Variants in DPP4 observed in about 807,000 individuals in gnomAD.
DPP4 encodes dipeptidyl peptidase 4.
A neutral mutation model predicts 122.4 loss-of-function variants in DPP4; 93 were observed. The observed-to-expected ratio is 0.76, with a 90% CI of 0.64 to 0.90. The LOEUF is 0.90. Ranked by LOEUF, DPP4 falls within the 40% of genes least tolerant of loss-of-function variation. The probability of loss-of-function intolerance (pLI) is 0.00; values close to 1 mark genes in which losing one functional copy is unlikely to be tolerated. For synonymous variants in DPP4, 321 were observed against 302.9 expected, an observed-to-expected ratio of 1.06 and a Z score of -0.62; for missense variants, 914 against 907.3, an observed-to-expected ratio of 1.01 and a Z score of -0.09.
At chr2:161,997,335 C>A (rs775300647) in intron 23 of DPP4, among the ~76,000 whole-genome samples, 2 of 152,156 alleles carry the variant, frequency 1.3e-5, no homozygotes, top group African/African-American at 4.8e-5. Flanking sequence ...CCCAACATCA[C>A]CATTTATCCC....
rs1701324466 is a variant in DPP4 at position 162,007,990 on chromosome 2, T to C, written c.1987+572A>G. Among the ~76,000 whole-genome samples, 5 of 152,216 alleles carry C rather than the reference T, an allele frequency of 3.3e-5. No individual in the cohort carries two copies. The South Asian group carries it at 8.3e-4, about 25-fold the overall frequency. On this transcript the variant is annotated intron_variant, in intron 22 of 25. Transcript: ENST00000360534. ...CTTCTGAATCCCCCCTCCTCCCTCA[T>C]CTTCCATCGCTTACTCCCTCCCCTT...
At chr2:162,069,008 C>T (rs1685033286) in intron 2 of DPP4, among the ~76,000 whole-genome samples, 1 of 152,156 alleles carries the variant, frequency 6.6e-6, no homozygotes, top group South Asian at 2.1e-4. Flanking sequence ...TGATTGCAAC[C>T]TCATGAGAGA....
rs934495585 is a variant in DPP4, at chr2:162,009,404, G to C, written c.1833-109C>G. ...ATTTGTTCTCTGCTTCATTCTATTA[G>C]AGACTAAAAATTGCTGCCAGTAATC... On this transcript the variant is annotated intron_variant, in intron 20 of 25. Transcript: ENST00000360534. The C allele has an allele frequency of 3.1e-6, 3 of 961,482 alleles. No homozygotes were observed. In the African/African-American group the frequency reaches 5.0e-5, roughly 16 times the overall value. The allele number at this position is 961,482 out of a possible 1,614,324, so 59.6% of individuals were successfully genotyped here.
chr2:162,016,847 G>T lies in DPP4; in HGVS notation c.1488C>A (p.Asp496Glu). Residue 496 changes from aspartate (D) to glutamate (E), a missense_variant, in exon 18 of 26, where the codon GAC (aspartate) becomes GAA (glutamate). Physicochemically the swap from Asp to Glu is conservative, Grantham distance 45. Transcript: ENST00000360534. ...GCAGCATTTTATCCAAAGCTGAATT[G>T]TCTTCCAGGACTCTCAGCCCTAAAG... is the stretch of plus-strand genomic sequence containing the variant. Reference protein sequence around the residue: ...VNDKGLRVLEDNSALDKMLQN... With the variant: ...VNDKGLRVLEENSALDKMLQN... The T allele has an allele frequency of 6.2e-7, 1 of 1,612,156 alleles. No homozygotes were observed. The highest frequency in any genetic ancestry group is 8.5e-7 in the Non-Finnish European group (1 of 1,179,540).
rs2106089769 is a variant in DPP4, at chr2:162,011,780, C to T, written c.1832+13G>A. On this transcript the variant is annotated intron_variant, in intron 20 of 25. Coordinates refer to ENST00000360534, the MANE Select transcript of DPP4 (RefSeq NM_001935.4). Reference sequence around the variant, plus strand: ...AATCAGATGACCTTTGACTTCATCTCCTAGTCACTCACCTGGCTGCTTCAA... The same window carrying T: ...AATCAGATGACCTTTGACTTCATCTTCTAGTCACTCACCTGGCTGCTTCAA... 2 of 1,612,048 alleles carry T rather than the reference C, an allele frequency of 1.2e-6. No homozygotes were observed. Among genetic ancestry groups the T allele is most frequent in the South Asian group, 1.1e-5 (1 of 90,918 alleles).
chr2:161,995,958 G>T (rs1312808433), intron 23 of DPP4, among the ~76,000 whole-genome samples: 1 of 152,030 alleles, frequency 6.6e-6, no homozygotes, highest in Non-Finnish European at 1.5e-5. Flanking sequence ...AGGGGAAGGG[G>T]GTAAAAAAGA....
chr2:162,043,082 G>T (rs958992870), intron 5 of DPP4, among the ~76,000 whole-genome samples: 1 of 152,164 alleles, frequency 6.6e-6, no homozygotes, highest in African/African-American at 2.4e-5. Context: ...AAAGAGCTGT[G>T]CAATTAAAGG....
intron 10 of DPP4, among the ~76,000 whole-genome samples, chr2:162,028,566 A>C (rs1683429721): frequency 6.6e-6 from 1 of 152,226 alleles, no homozygotes. Context: ...CCACCCCTGC[A>C]GTCCAGGCCT....
At chr2:162,048,509 A>G (rs779593098) in intron 2 of DPP4, among the ~76,000 whole-genome samples, 9 of 152,110 alleles carry the variant, frequency 5.9e-5, no homozygotes, top group South Asian at 2.1e-4. Context: ...ACAGCCCTCC[A>G]CGACCGACAC....
chr2:161,997,907 A>G (rs1435760037), intron 23 of DPP4, among the ~76,000 whole-genome samples: 1 of 152,184 alleles, frequency 6.6e-6, no homozygotes, highest in African/African-American at 2.4e-5. Context: ...TACTTCCTAC[A>G]TTGCACTGCG....
rs761333853 is a variant in DPP4, at chr2:162,045,570, C to T, written c.328G>A (p.Asp110Asn). Residue 110 changes from aspartate to asparagine, a missense_variant, in exon 5 of 26, where the codon GAT becomes AAT. Transcript: ENST00000360534. ...HSINDYSISPDGQFILLEYNY... is the reference protein window; with the variant it reads ...HSINDYSISPNGQFILLEYNY... ...TATTCTAAGAGAATAAACTGCCCAT[C>T]AGGAGATATTGAATAATCATTGATA... The T allele has an allele frequency of 6.2e-7, 1 of 1,612,946 alleles. No homozygotes were observed. The highest frequency in any genetic ancestry group is 8.5e-7 in the Non-Finnish European group (1 of 1,179,130).
At chr2:162,039,931 A>G (rs1342310731) in intron 5 of DPP4, among the ~76,000 whole-genome samples, 1 of 152,114 alleles carries the variant, frequency 6.6e-6, no homozygotes, top group African/African-American at 2.4e-5. Flanking sequence ...ACTTAGGAGT[A>G]AAACAGCACA....
At chr2:162,028,938 C>T (rs1683445384) in intron 10 of DPP4, among the ~76,000 whole-genome samples, 2 of 152,214 alleles carry the variant, frequency 1.3e-5, no homozygotes, top group Admixed American at 1.3e-4. Context: ...AGTTCATACT[C>T]GCTCCCTCTA....
At chr2:162,001,360 T>C (rs904742064) in intron 23 of DPP4, among the ~76,000 whole-genome samples, 16 of 152,198 alleles carry the variant, frequency 1.1e-4, no homozygotes, top group Non-Finnish European at 2.4e-4. Flanking sequence ...CTCTAACTTC[T>C]TGGCCACTCC....
rs373604910 is a variant in DPP4 at position 162,058,398 on chromosome 2, A to G, written c.95-10897T>C. ...ATAGCAATCTGTAACCAACAAAATC[A>G]CTGTAATATACATACTGACCTTGTA... On this transcript the variant is annotated intron_variant, in intron 2 of 25. Coordinates refer to ENST00000360534, the MANE Select transcript of DPP4 (RefSeq NM_001935.4). Among the ~76,000 whole-genome samples, 292 of 152,268 alleles carry G rather than the reference A, an allele frequency of 1.9e-3. 2 individuals carry two copies. Among genetic ancestry groups the G allele is most frequent in the African/African-American group, 6.5e-3 (269 of 41,542 alleles).
At chr2:162,038,574 T>C in intron 7 of DPP4, 152 bp from the exon 8 acceptor site, 1 of 853,486 alleles carries the variant, frequency 1.2e-6, no homozygotes, top group Non-Finnish European at 1.8e-6. Flanking sequence ...TTCCCTCTCA[T>C]TCTTAAATTA....
rs1401911417 is a variant in DPP4 at position 161,993,226 on chromosome 2, A to C, written c.*57T>G. ...ATCATCTTGACAGTGCAGTTTTGAG[A>C]TAATGAAAACAAAAATGAGTTTTAA... On this transcript the variant is annotated 3_prime_UTR_variant, in exon 26 of 26. Coordinates refer to ENST00000360534, the MANE Select transcript of DPP4 (RefSeq NM_001935.4). 1 of 1,329,820 alleles carries C rather than the reference A, an allele frequency of 7.5e-7. No homozygotes were observed. Among genetic ancestry groups the C allele is most frequent in the Non-Finnish European group, 1.1e-6 (1 of 923,370 alleles). The allele number at this position is 1,329,820 out of a possible 1,614,324, so 82.4% of individuals were successfully genotyped here.
intron 9 of DPP4, 43 bp downstream of exon 9, chr2:162,035,121 T>C: frequency 6.4e-7 from 1 of 1,569,594 alleles, no homozygotes; most frequent in Non-Finnish European, 8.6e-7. Flanking sequence ...ACCATTCTCT[T>C]CCCATCAAAT....
chr2:162,073,490 CA>C lies in DPP4; in HGVS notation c.7-5del. The stretch of plus-strand genomic sequence containing the variant: ...CCAGAAGAACCTTCCACGGTGTCTG[CA>C]AGCCGAGCAGATCAAGTCCAATTAG... On this transcript the variant is annotated splice_region_variant and splice_polypyrimidine_tract_variant and intron_variant, in intron 1 of 25. Transcript: ENST00000360534. 6.2e-7 allele frequency: 1 copy of C among 1,613,632 alleles called. No homozygotes were observed. The highest frequency in any genetic ancestry group is 8.5e-7 in the Non-Finnish European group (1 of 1,179,970).
Sources: allele counts gnomAD v4.1 joint callset (sites outside exome capture counted in the v4.1 genomes callset), GRCh38; gene constraint gnomAD v4.1.1; transcripts MANE v1.5; gene names NCBI Gene and HGNC (gene_info 2026-07-23, HGNC 2026-07-21).